The following ETV1 variants were observed in gnomAD, a reference collection of about 807,000 sequenced individuals.
ETV1 encodes the protein ETS variant transcription factor 1, also known as ETS translocation variant 1.
Under a neutral mutation model 62.3 loss-of-function variants are expected in ETV1, and 27 were observed. The observed-to-expected ratio is 0.43, with a 90% CI of 0.32 to 0.60. The LOEUF (loss-of-function observed/expected upper bound fraction) is 0.60, where lower values mean the gene tolerates loss of function less well. Among genes scored for constraint, ETV1 ranks in the 20% least tolerant of loss-of-function variants. ETV1 has a pLI of 0.06. For missense variants in ETV1, 605 were observed against 605.8 expected (o/e 1.00, Z 0.01); for synonymous variants, 222 against 199.6 (o/e 1.11, Z -0.94).
chr7:13,942,553 G>A (rs1258241215), intron 6 of ETV1, among the ~76,000 whole-genome samples: 4 of 151,970 alleles, frequency 2.6e-5, no homozygotes, highest in African/African-American at 7.2e-5. Flanking sequence ...GACCCTCTTC[G>A]CTTTTCCACC....
intron 9 of ETV1, among the ~76,000 whole-genome samples, chr7:13,915,478 G>A (rs1784045454): frequency 1.3e-5 from 2 of 152,144 alleles, no homozygotes; most frequent in Admixed American, 1.3e-4. Flanking sequence ...GACAGATCTT[G>A]CCAACATTTT....
intron 6 of ETV1, among the ~76,000 whole-genome samples, chr7:13,974,417 A>C (rs1781201332): frequency 6.6e-6 from 1 of 152,212 alleles, no homozygotes; most frequent in Non-Finnish European, 1.5e-5. Flanking sequence ...ACAGCTAAAG[A>C]AATAGGACTC....
At chr7:13,935,183 C>T (rs958040276) in intron 8 of ETV1, among the ~76,000 whole-genome samples, 8 of 152,094 alleles carry the variant, frequency 5.3e-5, no homozygotes, top group Admixed American at 1.3e-4. Flanking sequence ...ATTGTATATT[C>T]GCAGTGTCCA....
chr7:13,955,899 A>C (rs7804410), intron 6 of ETV1, among the ~76,000 whole-genome samples: 2 of 152,068 alleles, frequency 1.3e-5, no homozygotes, highest in Non-Finnish European at 2.9e-5. Flanking sequence ...TCTGAATCAC[A>C]AATGAACCAA....
Position 13,902,420 on chromosome 7 carries a change from T to C in ETV1, c.1111-1581A>G, listed in dbSNP as rs188920481. On this transcript the variant is annotated intron_variant, in intron 12 of 13. Transcript: ENST00000430479. The stretch of plus-strand genomic sequence containing the variant: ...GCGATGTAACAGGGACAACATCATA[T>C]ATCCCAGCAGACAATCACAGTGGCA... Among the ~76,000 whole-genome samples the C allele has an allele frequency of 1.8e-4, 28 of 151,954 alleles. No homozygotes were observed. In the East Asian group the frequency reaches 4.7e-3, roughly 25 times the overall value.
Position 13,911,335 on chromosome 7 carries a change from A to T in ETV1, c.803-28T>A, listed in dbSNP as rs758827187. 6.5e-6 allele frequency: 10 copies of T among 1,544,738 alleles called. 1 individual carries two copies. The highest frequency in any genetic ancestry group is 1.7e-4 in the Middle Eastern group (1 of 5,950). The stretch of plus-strand genomic sequence containing the variant: ...GAAAGAGGAAACAATATTGGTCAAA[A>T]AGAGTCTGGAGCTGAAACGCTGCGG... On this transcript the variant is annotated intron_variant, in intron 9 of 13. Coordinates refer to ENST00000430479, the MANE Select transcript of ETV1 (RefSeq NM_004956.5).
chr7:13,899,532 T>C (rs1237556354), intron 13 of ETV1, among the ~76,000 whole-genome samples: 1 of 152,218 alleles, frequency 6.6e-6, no homozygotes, highest in Non-Finnish European at 1.5e-5. Flanking sequence ...TAGCAACTGG[T>C]CTAGTTTTTC....
At position 13,935,738 on chromosome 7, in the gene ETV1, A is replaced by G. The variant is rs1201072184; in HGVS notation, c.524T>C (p.Ile175Thr). 6.2e-7 allele frequency: 1 copy of G among 1,613,844 alleles called. No individual in the cohort carries two copies. The highest frequency in any genetic ancestry group is 8.5e-7 in the Non-Finnish European group (1 of 1,179,858). Residue 175 changes from isoleucine (I) to threonine (T), a missense_variant, in exon 8 of 14, where the codon ATA (isoleucine) becomes ACA (threonine). Physicochemically the swap from Ile to Thr is moderately conservative, Grantham distance 89. Around this residue, in one of 3 missense-constraint regions of ETV1, gnomAD observed 426 missense variants for 377.8 expected, o/e 1.13. Transcript: ENST00000430479. ...GTCCATGGGGTAGCTGCTATCTGGT[A>G]TGGACTGCGATGGAGGGAGGTGAGC... ...FPAHLPPSQS[I>T]PDSSYPMDHR...
rs759366222 is a variant in ETV1, at chr7:13,915,239, CTATTGTA to C, written c.803-3939_803-3933del. Among the ~76,000 whole-genome samples the C allele has an allele frequency of 7.6e-4, 116 of 152,196 alleles. 1 individual carries two copies. In the Middle Eastern group the frequency reaches 0.014, roughly 18 times the overall value. On this transcript the variant is annotated intron_variant, in intron 9 of 13. Coordinates refer to ENST00000430479, the MANE Select transcript of ETV1 (RefSeq NM_004956.5). ...CAAAATCAAGTGCACATAAACTTGT[CTATTGTA>C]TATTGATGATTTCTAAAACTTGGTG...
intron 9 of ETV1, among the ~76,000 whole-genome samples, chr7:13,927,755 C>G (rs1785598722): frequency 6.6e-6 from 1 of 152,002 alleles, no homozygotes; most frequent in Admixed American, 6.5e-5. Flanking sequence ...ATTTTGACAC[C>G]CACAGATTAA....
At chr7:13,987,482 A>G (rs938710040) in intron 4 of ETV1, among the ~76,000 whole-genome samples, 1 of 152,194 alleles carries the variant, frequency 6.6e-6, no homozygotes, top group African/African-American at 2.4e-5. Context: ...TCCTAGCAAC[A>G]GTTCATAAAA....
chr7:13,896,538 T>C (rs73273387), intron 13 of ETV1, among the ~76,000 whole-genome samples: 217 of 152,206 alleles, frequency 1.4e-3, no homozygotes, highest in African/African-American at 4.9e-3. Context: ...AAAAACTAAA[T>C]TCAAAATTTA....
At chr7:13,917,520 T>A (rs1324969301) in intron 9 of ETV1, among the ~76,000 whole-genome samples, 2 of 151,874 alleles carry the variant, frequency 1.3e-5, no homozygotes, top group Admixed American at 6.5e-5. Context: ...TTTCACTATC[T>A]TAAGTCAGGC....
chr7:13,908,268 G>A (rs768562245), intron 11 of ETV1, among the ~76,000 whole-genome samples: 1 of 152,088 alleles, frequency 6.6e-6, no homozygotes, highest in Non-Finnish European at 1.5e-5. Context: ...AAGGCAGCTT[G>A]TTCCCTAAAT....
At chr7:13,909,777 T>A in intron 10 of ETV1, 77 bp from the exon 11 acceptor site, 2 of 1,258,280 alleles carry the variant, frequency 1.6e-6, no homozygotes, top group Non-Finnish European at 2.3e-6. Flanking sequence ...CCATTTAACA[T>A]AAAAATTGTG....
intron 6 of ETV1, among the ~76,000 whole-genome samples, chr7:13,967,661 T>C (rs1583834898): frequency 6.6e-6 from 1 of 152,032 alleles, no homozygotes; most frequent in African/African-American, 2.4e-5. Flanking sequence ...CAAATATGCA[T>C]TGTGCATCTT....
intron 5 of ETV1, among the ~76,000 whole-genome samples, chr7:13,977,978 T>C (rs1781618493): frequency 6.6e-6 from 1 of 152,170 alleles, no homozygotes; most frequent in Non-Finnish European, 1.5e-5. Context: ...CACCATATTT[T>C]AAGATGCTTG....
chr7:13,923,609 C>G (rs1363100901), intron 9 of ETV1, among the ~76,000 whole-genome samples: 1 of 152,076 alleles, frequency 6.6e-6, no homozygotes, highest in Non-Finnish European at 1.5e-5. Flanking sequence ...TTTCGATGTG[C>G]TAAGGACAGA....
chr7:13,981,707 T>G (rs2128506939), intron 5 of ETV1, among the ~76,000 whole-genome samples: 1 of 152,150 alleles, frequency 6.6e-6, no homozygotes, highest in African/African-American at 2.4e-5. Flanking sequence ...TTATTTTTCT[T>G]TTCTATTATC....
Sources: allele counts gnomAD v4.1 joint callset (sites outside exome capture counted in the v4.1 genomes callset), GRCh38; gene constraint gnomAD v4.1.1; regional missense constraint gnomAD v4.1.1; transcripts MANE v1.5; gene names NCBI Gene and HGNC (gene_info 2026-07-23, HGNC 2026-07-21).